CSMD1: variants seen among roughly 807,000 people sequenced by gnomAD.
CSMD1 encodes the protein CUB and sushi domain-containing protein 1.
Under a neutral mutation model 417.5 loss-of-function variants are expected in CSMD1, and 213 were observed. That is an observed-to-expected ratio of 0.51 (90% CI 0.46 to 0.57). The LOEUF is 0.57. Ranked by LOEUF, CSMD1 falls within the 20% of genes least tolerant of loss-of-function variation. The pLI, the probability that CSMD1 is intolerant of heterozygous loss-of-function variation, is 0.00. For missense variants in CSMD1, 6,923 were observed against 4,529.7 expected, an observed-to-expected ratio of 1.53 and a Z score of -15.17; for synonymous variants, 2,862 against 1,736.8, an observed-to-expected ratio of 1.65 and a Z score of -16.11.
rs377391510 is a variant in CSMD1 at position 4,885,587 on chromosome 8, G to C, written c.85+108745C>G. Among the ~76,000 whole-genome samples the C allele has an allele frequency of 4.8e-4, 73 of 151,848 alleles. No individual in the cohort carries two copies. The South Asian group carries it at 0.013, about 28-fold the overall frequency. ...TTTTTCTGCATTACTGAGATGATTA[G>C]GTGGCTTTTGTCCTTTATCCTGTTG... On this transcript the variant is annotated intron_variant, in intron 1 of 69. Coordinates refer to ENST00000635120, the MANE Select transcript of CSMD1 (RefSeq NM_033225.6).
intron 3 of CSMD1, among the ~76,000 whole-genome samples, chr8:4,078,221 A>T (rs528394876): frequency 7.6e-4 from 115 of 151,976 alleles, no homozygotes; most frequent in African/African-American, 2.7e-3. Flanking sequence ...TTTTTCTTTT[A>T]ATTTTCTTAC....
At chr8:4,233,041 G>A (rs952833849) in intron 3 of CSMD1, among the ~76,000 whole-genome samples, 2 of 152,090 alleles carry the variant, frequency 1.3e-5, no homozygotes, top group African/African-American at 2.4e-5. Context: ...AAAACCACAA[G>A]GATATGTTGC....
In CSMD1 at chr8:3,275,255, C is replaced by T. The variant is rs763511272; in HGVS notation, c.4153+8889G>A. Among the ~76,000 whole-genome samples, 3 of 152,270 alleles carry T rather than the reference C, an allele frequency of 2.0e-5. 1 individual carries two copies. In the South Asian group the frequency reaches 6.2e-4, roughly 32 times the overall value. The stretch of plus-strand genomic sequence containing the variant: ...TTTCTTTAAGAATGTTGAATATTGG[C>T]CACCGCTCTCTTCTGGCTTGTAGAG... On this transcript the variant is annotated intron_variant, in intron 26 of 69. Coordinates refer to ENST00000635120, the MANE Select transcript of CSMD1 (RefSeq NM_033225.6).
intron 7 of CSMD1, among the ~76,000 whole-genome samples, chr8:3,690,849 G>T (rs897860032): frequency 6.6e-6 from 1 of 151,792 alleles, no homozygotes; most frequent in Non-Finnish European, 1.5e-5. Context: ...TTGAATAGGT[G>T]GTCTAATTAC....
intron 1 of CSMD1, among the ~76,000 whole-genome samples, chr8:4,713,542 C>T (rs1563199828): frequency 6.6e-6 from 1 of 152,182 alleles, no homozygotes. Flanking sequence ...GCTGGGACTA[C>T]AGGCGGCTGC....
chr8:4,985,569 C>G (rs1413559917), intron 1 of CSMD1, among the ~76,000 whole-genome samples: 2 of 152,154 alleles, frequency 1.3e-5, no homozygotes, highest in Non-Finnish European at 2.9e-5. Flanking sequence ...TCATATCAGA[C>G]TAAAAATGTG....
chr8:4,329,214 T>C (rs1455921175), intron 3 of CSMD1, among the ~76,000 whole-genome samples: 4 of 152,178 alleles, frequency 2.6e-5, no homozygotes, highest in Non-Finnish European at 5.9e-5. Flanking sequence ...CAATACAAAT[T>C]ATTTGGACCT....
chr8:4,073,325 G>C (rs956700720), intron 3 of CSMD1, among the ~76,000 whole-genome samples: 7 of 152,112 alleles, frequency 4.6e-5, no homozygotes, highest in African/African-American at 1.7e-4. Flanking sequence ...ACAAAATGAA[G>C]AATTGTGAAA....
chr8:4,041,309 G>A (rs11993888), intron 3 of CSMD1, among the ~76,000 whole-genome samples: 62,716 of 151,974 alleles, frequency 0.41, 14,903 homozygotes, highest in African/African-American at 0.66. Flanking sequence ...GAGCCACCGC[G>A]CCTGGCCGGG....
chr8:3,933,729 C>A lies in CSMD1; in HGVS notation c.818+64174G>T, dbSNP rs115357154. 7.8e-3 allele frequency among the ~76,000 whole-genome samples: 1,192 copies of A among 152,162 alleles called. 22 individuals are homozygous for A. The highest frequency in any genetic ancestry group is 0.028 in the African/African-American group (1,145 of 41,496). ...TGTATGCAAAATTACGTTCAAAAAT[C>A]CTAAAGGAGAAATGAGGTGAGATTT... On this transcript the variant is annotated intron_variant, in intron 5 of 69. Transcript: ENST00000635120.
At position 3,984,060 on chromosome 8, in the gene CSMD1, T is replaced by A. The variant is rs1007604167; in HGVS notation, c.818+13843A>T. On this transcript the variant is annotated intron_variant, in intron 5 of 69. Transcript: ENST00000635120. ...ACGGCAGATCTGATGGGGCTGTCAA[T>A]TGCAGCTCTAGAGCACACCACAGAT... Among the ~76,000 whole-genome samples, 4 of 109,924 alleles carry A rather than the reference T, an allele frequency of 3.6e-5. No individual in the cohort carries two copies. The South Asian group carries it at 8.8e-4, about 24-fold the overall frequency. The allele number at this position is 109,924 out of a possible 152,430, so 72.1% of individuals were successfully genotyped here. A position where few individuals can be genotyped will look rare whatever the true frequency, so the allele number is the denominator to read the frequency against.
intron 3 of CSMD1, among the ~76,000 whole-genome samples, chr8:4,148,807 T>C (rs968300936): frequency 3.9e-5 from 6 of 152,172 alleles, no homozygotes; most frequent in African/African-American, 1.4e-4. Context: ...TGGGAAGGGA[T>C]GTCATGATTC....
At chr8:3,696,603 T>G (rs1273907643) in intron 7 of CSMD1, among the ~76,000 whole-genome samples, 1 of 152,116 alleles carries the variant, frequency 6.6e-6, no homozygotes, top group African/African-American at 2.4e-5. Flanking sequence ...AGGAAAAAAA[T>G]GAGCGCTTTG....
At chr8:4,426,841 A>T (rs1797588886) in intron 2 of CSMD1, among the ~76,000 whole-genome samples, 1 of 151,138 alleles carries the variant, frequency 6.6e-6, no homozygotes, top group South Asian at 2.1e-4. Flanking sequence ...ATACTATATT[A>T]TGTACTATAT....
intron 1 of CSMD1, among the ~76,000 whole-genome samples, chr8:4,752,614 G>A (rs1411121797): frequency 1.3e-5 from 2 of 152,100 alleles, no homozygotes; most frequent in Admixed American, 1.3e-4. Flanking sequence ...AAAATGTAGG[G>A]GAGCAAGAGA....
rs377301587 is a variant in CSMD1, at chr8:3,838,752, A to T, written c.819-84710T>A. On this transcript the variant is annotated intron_variant, in intron 5 of 69. Transcript: ENST00000635120. ...AATATTATATAGTATAATATATAAT[A>T]AATATTATATAGTATAATATATAAT... Among the ~76,000 whole-genome samples the T allele has an allele frequency of 1.9e-4, 8 of 42,036 alleles. 2 individuals carry two copies. The highest frequency in any genetic ancestry group is 2.7e-4 in the Non-Finnish European group (7 of 26,326). The allele number at this position is 42,036 out of a possible 152,430, so 27.6% of individuals were successfully genotyped here.
chr8:3,713,594 G>T (rs754967743), intron 6 of CSMD1, among the ~76,000 whole-genome samples: 1 of 152,096 alleles, frequency 6.6e-6, no homozygotes, highest in South Asian at 2.1e-4. Context: ...CGTATCTTCT[G>T]CTCTTAATAC....
Position 3,029,362 on chromosome 8 carries a change from G to C in CSMD1, c.7812C>G (p.Ala2604=). The C allele has an allele frequency of 6.2e-7, 1 of 1,610,556 alleles. No individual in the cohort carries two copies. The highest frequency in any genetic ancestry group is 2.2e-5 in the East Asian group (1 of 44,758). ...LEGWRLLRCQ[A]NGTWNIGDER... ...CATCTCCTATGTTCCACGTCCCATT[G>C]GCCTGGCACCGCAGGAGCCTCCAGC... The change falls in exon 51 of 70, where the codon GCC becomes GCG. Residue 2604 remains alanine, a synonymous_variant. Transcript: ENST00000635120.
chr8:3,954,856 A>G (rs1169321592), intron 5 of CSMD1, among the ~76,000 whole-genome samples: 1 of 152,214 alleles, frequency 6.6e-6, no homozygotes, highest in African/African-American at 2.4e-5. Flanking sequence ...ATGCATGTGC[A>G]TTGGAGTCTT....
Sources: allele counts gnomAD v4.1 joint callset (sites outside exome capture counted in the v4.1 genomes callset), GRCh38; gene constraint gnomAD v4.1.1; transcripts MANE v1.5; gene names NCBI Gene and HGNC (gene_info 2026-07-23, HGNC 2026-07-21).